TPTE2: variants seen among roughly 807,000 people sequenced by gnomAD.
TPTE2 encodes the protein transmembrane phosphoinositide 3-phosphatase and tensin homolog 2.
Under a neutral mutation model 78.6 loss-of-function variants are expected in TPTE2, and 53 were observed. The ratio of observed to expected loss-of-function variants is 0.67; its 90% confidence interval spans 0.54 to 0.85. TPTE2 has a LOEUF of 0.85. Ranked by LOEUF, TPTE2 falls within the 40% of genes least tolerant of loss-of-function variation. The probability of loss-of-function intolerance (pLI) is 0.00; values close to 1 mark genes in which losing one functional copy is unlikely to be tolerated. For synonymous variants in TPTE2, 175 were observed against 206.2 expected (o/e 0.85, Z 1.30); for missense variants, 461 against 623.0 (o/e 0.74, Z 2.77).
Position 19,492,608 on chromosome 13 carries a change from AT to A in TPTE2, c.119+241del, listed in dbSNP as rs1250258124. Among the ~76,000 whole-genome samples the A allele has an allele frequency of 1.2e-3, 181 of 152,336 alleles. 1 individual carries two copies. Among genetic ancestry groups the A allele is most frequent in the Non-Finnish European group, 1.1e-3 (78 of 68,024 alleles). ...ACCTGCAAATGCTACAATGAGAAGA[AT>A]TGGAAACCTTGTTAAAAAATACTCT... On this transcript the variant is annotated intron_variant, in intron 3 of 19. Coordinates refer to ENST00000400230, the Ensembl canonical transcript of TPTE2.
At chr13:19,500,067 C>T (rs1207959206) in intron 1 of TPTE2, among the ~76,000 whole-genome samples, 1 of 151,400 alleles carries the variant, frequency 6.6e-6, no homozygotes, top group Non-Finnish European at 1.5e-5. Context: ...GGATAAATTC[C>T]TCGACACATA....
the TPTE2 span, among the ~76,000 whole-genome samples, chr13:19,543,446 C>T: frequency 6.6e-6 from 1 of 151,678 alleles, no homozygotes. Context: ...GCAACCTCTG[C>T]ACCCGGGTTC....
At chr13:19,529,383 TC>T (rs1196689742) in intron 1 of TPTE2, among the ~76,000 whole-genome samples, 1 of 152,112 alleles carries the variant, frequency 6.6e-6, no homozygotes, top group East Asian at 1.9e-4. Context: ...CGCCTCAGCC[TC>T]CCAAAGTGCT....
chr13:19,441,875 A>T (rs1408845749), intron 13 of TPTE2, among the ~76,000 whole-genome samples: 2 of 152,232 alleles, frequency 1.3e-5, no homozygotes, highest in African/African-American at 4.8e-5. Context: ...ATTTAGGAAG[A>T]TTTCTAGATG....
At chr13:19,460,867 C>T (rs956117344) in intron 10 of TPTE2, among the ~76,000 whole-genome samples, 1 of 152,162 alleles carries the variant, frequency 6.6e-6, no homozygotes, top group Non-Finnish European at 1.5e-5. Context: ...TTAATTTAGT[C>T]ATCCACAGAG....
chr13:19,465,494 T>A lies in TPTE2; in HGVS notation c.583A>T (p.Arg195Ter). 1.2e-6 allele frequency: 2 copies of A among 1,609,752 alleles called. No homozygotes were observed. Among genetic ancestry groups the A allele is most frequent in the Non-Finnish European group, 1.7e-6 (2 of 1,178,732 alleles). The change falls in exon 8 of 20, where the codon AGA (arginine) becomes TGA (stop). Residue 195 changes from arginine (R) to a stop codon, truncating the protein, a stop_gained. Transcript: ENST00000400230. LOFTEE classifies it high-confidence loss of function. ...CTTCTCATCAGCTTTTCAAGTTGTC[T>A]TTTTTGATGAAGCAGATGAAAAATT...
At chr13:19,512,936 A>G (rs1488248990) in intron 1 of TPTE2, among the ~76,000 whole-genome samples, 2 of 152,114 alleles carry the variant, frequency 1.3e-5, no homozygotes, top group Admixed American at 6.5e-5. Context: ...GGGCCATATT[A>G]AGGGTATTGT....
intron 11 of TPTE2, 36 bp downstream of exon 14, chr13:19,451,129 T>C: frequency 6.2e-7 from 1 of 1,606,792 alleles, no homozygotes; most frequent in Non-Finnish European, 8.5e-7. Context: ...ATCTGTTTTC[T>C]ACCTACAGTA....
At chr13:19,459,405 C>T (rs1453017729) in intron 10 of TPTE2, among the ~76,000 whole-genome samples, 1 of 152,172 alleles carries the variant, frequency 6.6e-6, no homozygotes, top group Non-Finnish European at 1.5e-5. Context: ...GTAGCCAGCC[C>T]GCACATACCT....
chr13:19,447,859 C>T (rs559742386), intron 13 of TPTE2, among the ~76,000 whole-genome samples: 4 of 152,234 alleles, frequency 2.6e-5, no homozygotes, highest in East Asian at 1.9e-4. Flanking sequence ...TCAACTTCTT[C>T]GTATCATTAC....
intron 13 of TPTE2, 42 bp downstream of exon 16, chr13:19,450,034 A>G (rs865999015): frequency 3.1e-6 from 5 of 1,603,914 alleles, no homozygotes; most frequent in Middle Eastern, 2.3e-4. Flanking sequence ...CTATATTTAC[A>G]TGTCTTTAGA....
upstream of TPTE2, among the ~76,000 whole-genome samples, chr13:19,538,732 G>T (rs1871350659): frequency 6.6e-6 from 1 of 151,470 alleles, no homozygotes; most frequent in African/African-American, 2.4e-5. Context: ...GGCTAAGCTG[G>T]TCTTGAACTC....
intron 14 of TPTE2, among the ~76,000 whole-genome samples, chr13:19,437,401 G>A (rs1593352194): frequency 6.6e-6 from 1 of 152,226 alleles, no homozygotes; most frequent in East Asian, 1.9e-4. Context: ...TCTGCTTTAA[G>A]TGGAAACAGC....
chr13:19,527,889 G>A (rs77983084), intron 1 of TPTE2, among the ~76,000 whole-genome samples: 3,865 of 152,326 alleles, frequency 0.025, 128 homozygotes, highest in African/African-American at 0.075. Context: ...AGAGAGCTTG[G>A]AATACTTAGC....
At chr13:19,434,605 T>TGTTTTGTTTC (rs67504377) in intron 15 of TPTE2, among the ~76,000 whole-genome samples, 13 of 152,018 alleles carry the variant, frequency 8.6e-5, no homozygotes, top group Non-Finnish European at 1.5e-4. Context: ...TGTTTTGTTT[T>TGTTTTGTTTC]GTTTGGGGCT....
At chr13:19,471,926 A>G (rs1270268716) in intron 6 of TPTE2, among the ~76,000 whole-genome samples, 1 of 151,966 alleles carries the variant, frequency 6.6e-6, no homozygotes, top group Non-Finnish European at 1.5e-5. Flanking sequence ...TTTGAAGGAT[A>G]TTTTCACTGG....
intron 10 of TPTE2, among the ~76,000 whole-genome samples, chr13:19,456,777 T>C (rs1878561592): frequency 6.6e-6 from 1 of 152,148 alleles, no homozygotes; most frequent in Admixed American, 6.6e-5. Flanking sequence ...TGTGGGGGTG[T>C]GTTTGTGTGG....
At chr13:19,548,522 T>A in the TPTE2 span, among the ~76,000 whole-genome samples, 1 of 151,634 alleles carries the variant, frequency 6.6e-6, no homozygotes, top group South Asian at 2.1e-4. Context: ...TATGTAAGAA[T>A]TGAAAAGGTT....
At chr13:19,554,311 C>T in the TPTE2 span, among the ~76,000 whole-genome samples, 98,700 of 151,592 alleles carry the variant, frequency 0.65, 34,670 homozygotes, top group East Asian at 0.88. Context: ...GGAGGCGGAG[C>T]TTGCAGTGAG....
Sources: gnomAD v4.1 joint callset for allele counts (sites outside exome capture counted in the v4.1 genomes callset) on GRCh38, gnomAD v4.1.1 for gene constraint, MANE v1.5 for transcripts, NCBI Gene and HGNC (gene_info 2026-07-23, HGNC 2026-07-21) for gene names.